The following PPP3CA variants were observed in gnomAD, a reference collection of about 807,000 sequenced individuals.
The protein encoded by PPP3CA is CAM-PRP catalytic subunit.
PPP3CA carries 14 observed loss-of-function variants against 66.5 expected under a neutral mutation model. The observed-to-expected ratio is 0.21, with a 90% CI of 0.14 to 0.33. The LOEUF (loss-of-function observed/expected upper bound fraction) is 0.33. Among genes scored for constraint, PPP3CA ranks in the 10% least tolerant of loss-of-function variants. The probability of loss-of-function intolerance (pLI) is 1.00; values close to 1 mark genes in which losing one functional copy is unlikely to be tolerated. For synonymous variants in PPP3CA, 232 were observed against 226.2 expected, an observed-to-expected ratio of 1.03 and a Z score of -0.23; for missense variants, 317 against 639.5, an observed-to-expected ratio of 0.50 and a Z score of 5.44.
rs182737341 is a variant in PPP3CA at position 101,173,484 on chromosome 4, T to C, written c.259+22432A>G. On this transcript the variant is annotated intron_variant, in intron 2 of 13. Coordinates refer to ENST00000394854, the MANE Select transcript of PPP3CA (RefSeq NM_000944.5). Reference sequence around the variant, plus strand: ...CCCTAGCAATTGACATTTTTATTAATTGCTAAAATGTAACAGTATCATATT... The same window carrying C: ...CCCTAGCAATTGACATTTTTATTAACTGCTAAAATGTAACAGTATCATATT... 2.6e-3 allele frequency among the ~76,000 whole-genome samples: 396 copies of C among 152,218 alleles called. 3 individuals carry two copies. The highest frequency in any genetic ancestry group is 9.0e-3 in the African/African-American group (373 of 41,530).
chr4:101,279,465 T>A (rs900334379), intron 1 of PPP3CA, among the ~76,000 whole-genome samples: 1 of 152,158 alleles, frequency 6.6e-6, no homozygotes, highest in Non-Finnish European at 1.5e-5. Flanking sequence ...GCTGTGCTTG[T>A]GGGGCAGCCA....
At chr4:101,295,157 C>T (rs1214549057) in intron 1 of PPP3CA, among the ~76,000 whole-genome samples, 2 of 150,538 alleles carry the variant, frequency 1.3e-5, no homozygotes, top group African/African-American at 2.4e-5. Context: ...AAAAATTAGC[C>T]GGGCGCGGTG....
intron 12 of PPP3CA, among the ~76,000 whole-genome samples, chr4:101,031,408 T>C (rs1029476395): frequency 6.6e-6 from 1 of 152,200 alleles, no homozygotes; most frequent in Non-Finnish European, 1.5e-5. Context: ...TAAAATTGTA[T>C]TGTATGTAAT....
chr4:101,043,921 C>T (rs1027331338), intron 10 of PPP3CA, among the ~76,000 whole-genome samples: 2 of 152,040 alleles, frequency 1.3e-5, no homozygotes, highest in Non-Finnish European at 2.9e-5. Flanking sequence ...TTTTATTATC[C>T]CTCTTATAAA....
intron 11 of PPP3CA, among the ~76,000 whole-genome samples, chr4:101,036,082 ATGTAG>A (rs776688979): frequency 3.2e-4 from 48 of 152,246 alleles, no homozygotes; most frequent in Non-Finnish European, 6.6e-4. Flanking sequence ...GATTTCAAAG[ATGTAG>A]TACAAATATA....
chr4:101,250,005 A>G (rs1726622111), intron 1 of PPP3CA, among the ~76,000 whole-genome samples: 2 of 152,128 alleles, frequency 1.3e-5, no homozygotes, highest in Non-Finnish European at 2.9e-5. Flanking sequence ...ATGTCTACAG[A>G]TTGTACTTCT....
At chr4:101,049,863 C>T (rs530528359) in intron 10 of PPP3CA, among the ~76,000 whole-genome samples, 11 of 152,078 alleles carry the variant, frequency 7.2e-5, no homozygotes, top group South Asian at 6.2e-4. Context: ...AAAAAGCAGA[C>T]GGAAAGAAGT....
At chr4:101,104,301 A>G (rs1730564512) in intron 3 of PPP3CA, among the ~76,000 whole-genome samples, 1 of 152,202 alleles carries the variant, frequency 6.6e-6, no homozygotes, top group Non-Finnish European at 1.5e-5. Context: ...CTCTTATTTT[A>G]GGATTTTTCT....
chr4:101,229,534 G>T (rs1305810478), intron 1 of PPP3CA, among the ~76,000 whole-genome samples: 5 of 151,548 alleles, frequency 3.3e-5, no homozygotes, highest in African/African-American at 1.2e-4. Context: ...AACTGTATTT[G>T]CTTCCTATTT....
intron 2 of PPP3CA, among the ~76,000 whole-genome samples, chr4:101,120,999 T>C (rs1466076187): frequency 6.6e-6 from 1 of 152,106 alleles, no homozygotes; most frequent in African/African-American, 2.4e-5. Context: ...ACATGGTATA[T>C]ATGGCATATA....
At chr4:101,144,890 C>T (rs754771246) in intron 2 of PPP3CA, among the ~76,000 whole-genome samples, 25 of 152,092 alleles carry the variant, frequency 1.6e-4, no homozygotes, top group Admixed American at 3.3e-4. Flanking sequence ...TTAGGCAGTG[C>T]TTTTGTAAAT....
At chr4:101,214,905 T>A (rs1171506711) in intron 1 of PPP3CA, among the ~76,000 whole-genome samples, 1 of 152,124 alleles carries the variant, frequency 6.6e-6, no homozygotes, top group African/African-American at 2.4e-5. Context: ...CCTAGACATT[T>A]ACCTCATTTT....
chr4:101,072,962 A>C (rs1259480216), intron 8 of PPP3CA, among the ~76,000 whole-genome samples: 1 of 150,136 alleles, frequency 6.7e-6, no homozygotes, highest in Admixed American at 6.6e-5. Context: ...AATTATATAT[A>C]TATATAAAGC....
At chr4:101,194,865 C>A (rs1233998416) in intron 2 of PPP3CA, among the ~76,000 whole-genome samples, 2 of 152,018 alleles carry the variant, frequency 1.3e-5, no homozygotes, top group Admixed American at 6.5e-5. Context: ...CCGCGTCCAG[C>A]CCATACAAAA....
chr4:101,336,270 A>G (rs555324659), intron 1 of PPP3CA, among the ~76,000 whole-genome samples: 15 of 149,968 alleles, frequency 1.0e-4, no homozygotes, highest in Admixed American at 2.7e-4. Context: ...TAGCTAGAAG[A>G]CTTAAGAACA....
intron 2 of PPP3CA, among the ~76,000 whole-genome samples, chr4:101,185,072 C>T (rs1724368541): frequency 6.6e-6 from 1 of 151,900 alleles, no homozygotes. Context: ...TTTACTTGGT[C>T]CTATGCTAAA....
intron 3 of PPP3CA, among the ~76,000 whole-genome samples, chr4:101,103,583 A>C (rs1273881661): frequency 6.6e-6 from 1 of 152,178 alleles, no homozygotes; most frequent in Non-Finnish European, 1.5e-5. Context: ...AGAAGCATGG[A>C]ACATTGTCTG....
At chr4:101,333,954 G>C (rs1372228594) in intron 1 of PPP3CA, among the ~76,000 whole-genome samples, 1 of 152,162 alleles carries the variant, frequency 6.6e-6, no homozygotes, top group Admixed American at 6.5e-5. Flanking sequence ...ACACAGTGCA[G>C]AGCCACACAC....
At chr4:101,118,069 G>A (rs930769472) in intron 2 of PPP3CA, among the ~76,000 whole-genome samples, 1 of 151,968 alleles carries the variant, frequency 6.6e-6, no homozygotes, top group African/African-American at 2.4e-5. Flanking sequence ...TGGGGTGTTC[G>A]GCTGTCTTAG....
Sources: allele counts gnomAD v4.1 joint callset (sites outside exome capture counted in the v4.1 genomes callset), GRCh38; gene constraint gnomAD v4.1.1; transcripts MANE v1.5; gene names NCBI Gene and HGNC (gene_info 2026-07-23, HGNC 2026-07-21).